The following PTPRN2 variants were observed in gnomAD, a reference collection of about 807,000 sequenced individuals.
PTPRN2 encodes protein tyrosine phosphatase receptor type N2.
In PTPRN2, 74 loss-of-function variants were observed where a neutral mutation model predicts 118.8. The ratio of observed to expected loss-of-function variants is 0.62; its 90% CI spans 0.52 to 0.76. The LOEUF (loss-of-function observed/expected upper bound fraction) is 0.76, where lower values mean the gene tolerates loss of function less well. Among genes scored for constraint, PTPRN2 ranks in the 30% least tolerant of loss-of-function variants. PTPRN2 has a pLI of 0.00. For synonymous variants in PTPRN2, 641 were observed against 608.0 expected, an observed-to-expected ratio of 1.05 and a Z score of -0.80; for missense variants, 1,481 against 1,394.4, an observed-to-expected ratio of 1.06 and a Z score of -0.99.
chr7:157,963,324 G>C (rs1801676642), intron 11 of PTPRN2, among the ~76,000 whole-genome samples: 1 of 152,248 alleles, frequency 6.6e-6, no homozygotes, highest in South Asian at 2.1e-4. Flanking sequence ...GAAAAAATAA[G>C]GTGGACAATA....
chr7:157,837,427 A>G (rs898344699), intron 12 of PTPRN2, among the ~76,000 whole-genome samples: 1 of 151,266 alleles, frequency 6.6e-6, no homozygotes, highest in African/African-American at 2.4e-5. Context: ...TGGGGGATGT[A>G]GTGTCTGATG....
chr7:157,680,508 C>A (rs550077713), intron 13 of PTPRN2, among the ~76,000 whole-genome samples: 45 of 152,328 alleles, frequency 3.0e-4, no homozygotes, highest in Admixed American at 9.1e-4. Context: ...TTCCTTGTAA[C>A]CGCAATTGTC....
chr7:158,417,088 A>C (rs1329739449), intron 2 of PTPRN2, among the ~76,000 whole-genome samples: 2 of 151,178 alleles, frequency 1.3e-5, no homozygotes, highest in Non-Finnish European at 2.9e-5. Flanking sequence ...TCAGTGTCCC[A>C]CTGTGTTAAG....
chr7:157,950,693 T>G (rs1430305608), intron 11 of PTPRN2, among the ~76,000 whole-genome samples: 1 of 152,202 alleles, frequency 6.6e-6, no homozygotes, highest in Non-Finnish European at 1.5e-5. Flanking sequence ...TGGAGCAGGC[T>G]TATCCTCTAC....
At chr7:157,997,571 A>G (rs1804851652) in intron 11 of PTPRN2, among the ~76,000 whole-genome samples, 2 of 152,132 alleles carry the variant, frequency 1.3e-5, no homozygotes, top group Non-Finnish European at 2.9e-5. Context: ...GAGCCACATT[A>G]GCCTGGCTGG....
chr7:158,419,701 C>T (rs995949682), intron 2 of PTPRN2, among the ~76,000 whole-genome samples: 1 of 152,212 alleles, frequency 6.6e-6, no homozygotes, highest in Admixed American at 6.5e-5. Context: ...AAGCCTCCAG[C>T]ACTCGGTGTG....
chr7:158,108,744 C>T (rs1361827730), intron 10 of PTPRN2, among the ~76,000 whole-genome samples: 1 of 152,218 alleles, frequency 6.6e-6, no homozygotes, highest in Non-Finnish European at 1.5e-5. Flanking sequence ...TAGTGCCCTC[C>T]ATGCTAATGA....
intron 12 of PTPRN2, among the ~76,000 whole-genome samples, chr7:157,810,478 G>A (rs1457147213): frequency 1.1e-4 from 16 of 148,922 alleles, no homozygotes; most frequent in African/African-American, 3.0e-4. Flanking sequence ...CGGGGACAGC[G>A]GGGCTGCTGG....
intron 5 of PTPRN2, among the ~76,000 whole-genome samples, chr7:158,182,069 G>A (rs1404082586): frequency 2.6e-5 from 4 of 152,104 alleles, no homozygotes; most frequent in Admixed American, 6.5e-5. Flanking sequence ...TTTCCTCTTA[G>A]CATTGCTTTT....
chr7:158,056,015 A>G (rs1809757405), intron 11 of PTPRN2, among the ~76,000 whole-genome samples: 1 of 152,152 alleles, frequency 6.6e-6, no homozygotes, highest in East Asian at 1.9e-4. Context: ...CTGTGGGTGG[A>G]GTCCGGGCCG....
intron 12 of PTPRN2, among the ~76,000 whole-genome samples, chr7:157,820,128 A>T (rs1310205362): frequency 1.3e-5 from 2 of 148,606 alleles, no homozygotes; most frequent in African/African-American, 5.0e-5. Flanking sequence ...CTCCACATAC[A>T]TGCACACAGC....
chr7:157,890,547 CAGG>C (rs1796739616), intron 12 of PTPRN2, among the ~76,000 whole-genome samples: 1 of 152,188 alleles, frequency 6.6e-6, no homozygotes, highest in Non-Finnish European at 1.5e-5. Context: ...GAGGCTGAGG[CAGG>C]AGAATGGCGT....
rs75813490 is a variant in PTPRN2, at chr7:158,228,076, A to G, written c.278-22803T>C. 0.01 allele frequency among the ~76,000 whole-genome samples: 1,586 copies of G among 152,348 alleles called. 89 individuals are homozygous for G. The East Asian group carries it at 0.17, about 16-fold the overall frequency. ...AGCTCTATGCGTATTCAAAGGTGGT[A>G]GCATTGTTGGTGATATTTTATGTCT... On this transcript the variant is annotated intron_variant, in intron 3 of 22. Transcript: ENST00000389418.
At chr7:157,776,833 TCTCTTC>T (rs1803340775) in intron 12 of PTPRN2, among the ~76,000 whole-genome samples, 1 of 2,894 alleles carries the variant, frequency 3.5e-4, no homozygotes, top group Non-Finnish European at 6.7e-4. Context: ...CTCTCCTCCC[TCTCTTC>T]CTCCTCCCTC....
intron 12 of PTPRN2, among the ~76,000 whole-genome samples, chr7:157,871,954 T>G (rs1037270343): frequency 8.2e-5 from 10 of 122,138 alleles, no homozygotes; most frequent in Middle Eastern, 6.5e-3. Context: ...CCCACACACA[T>G]ACCCAGCGCT....
chr7:157,949,166 A>G (rs1434921463), intron 11 of PTPRN2, among the ~76,000 whole-genome samples: 5 of 152,212 alleles, frequency 3.3e-5, no homozygotes, highest in African/African-American at 1.2e-4. Flanking sequence ...CTTTGTATGT[A>G]AGATAAGGGA....
At chr7:158,191,697 G>A (rs771384615) in intron 5 of PTPRN2, among the ~76,000 whole-genome samples, 12 of 152,142 alleles carry the variant, frequency 7.9e-5, no homozygotes, top group Admixed American at 2.0e-4. Context: ...TCTGTGATGC[G>A]GGTCCTTGCA....
chr7:158,579,183 A>T (rs1828502469), intron 1 of PTPRN2, among the ~76,000 whole-genome samples: 1 of 152,234 alleles, frequency 6.6e-6, no homozygotes, highest in African/African-American at 2.4e-5. Flanking sequence ...CCTCATCCTT[A>T]TTGATGTAAC....
intron 9 of PTPRN2, among the ~76,000 whole-genome samples, chr7:158,112,550 G>C (rs1816372603): frequency 6.6e-6 from 1 of 152,174 alleles, no homozygotes; most frequent in Admixed American, 6.5e-5. Context: ...TGCCGGTGGA[G>C]TCCGCTGGCA....
Sources: gnomAD v4.1 joint callset for allele counts (sites outside exome capture counted in the v4.1 genomes callset) on GRCh38, gnomAD v4.1.1 for gene constraint, MANE v1.5 for transcripts, NCBI Gene and HGNC (gene_info 2026-07-23, HGNC 2026-07-21) for gene names.